The following NCKAP5 variants were observed in gnomAD, a reference collection of about 807,000 sequenced individuals.
The protein encoded by NCKAP5 is NCK associated protein 5.
NCKAP5 carries 92 observed loss-of-function variants against 167.0 expected under a neutral mutation model. That is an observed-to-expected ratio of 0.55 (90% confidence interval 0.47 to 0.66). The LOEUF is 0.66. NCKAP5 is among the 30% of genes least tolerant of loss of function. The probability of loss-of-function intolerance (pLI) is 0.00; values close to 1 mark genes in which losing one functional copy is unlikely to be tolerated. For synonymous variants in NCKAP5, 891 were observed against 877.4 expected, an observed-to-expected ratio of 1.02 and a Z score of -0.27; for missense variants, 2,378 against 2,315.0, an observed-to-expected ratio of 1.03 and a Z score of -0.56.
chr2:132,871,806 T>G (rs2320157), intron 9 of NCKAP5, among the ~76,000 whole-genome samples: 35,964 of 152,112 alleles, frequency 0.24, 4,547 homozygotes, highest in East Asian at 0.39. Context: ...CTTTGAAAAA[T>G]ATCAGGCAGA....
chr2:133,435,710 C>T (rs1351167934), intron 3 of NCKAP5, among the ~76,000 whole-genome samples: 6 of 152,170 alleles, frequency 3.9e-5, no homozygotes, highest in South Asian at 4.1e-4. Flanking sequence ...ACTGAATAAT[C>T]GGTTTAATTT....
At chr2:132,900,568 T>G (rs533926661) in intron 8 of NCKAP5, among the ~76,000 whole-genome samples, 1 of 152,292 alleles carries the variant, frequency 6.6e-6, no homozygotes, top group Admixed American at 6.5e-5. Flanking sequence ...TTCAACTTCA[T>G]GAATAAATTT....
At chr2:133,495,749 C>G (rs1166869891) in intron 3 of NCKAP5, among the ~76,000 whole-genome samples, 1 of 152,136 alleles carries the variant, frequency 6.6e-6, no homozygotes, top group Non-Finnish European at 1.5e-5. Flanking sequence ...GCTAACTCAT[C>G]TGGGTAGTGT....
At chr2:132,788,242 G>C (rs1196260258) in intron 13 of NCKAP5, among the ~76,000 whole-genome samples, 1 of 152,118 alleles carries the variant, frequency 6.6e-6, no homozygotes, top group Non-Finnish European at 1.5e-5. Context: ...GAAGCAGTGT[G>C]GTTGACTAAA....
chr2:133,047,255 A>G (rs2079434522), intron 6 of NCKAP5, among the ~76,000 whole-genome samples: 1 of 152,192 alleles, frequency 6.6e-6, no homozygotes, highest in Non-Finnish European at 1.5e-5. Flanking sequence ...GCTGTGTTAG[A>G]CACTTTTCAG....
intron 7 of NCKAP5, among the ~76,000 whole-genome samples, chr2:132,980,043 AC>A (rs2077087929): frequency 7.1e-6 from 1 of 141,784 alleles, no homozygotes; most frequent in African/African-American, 2.7e-5. Context: ...AGACTGTAGT[AC>A]AGTGGGGCCA....
chr2:133,263,574 C>T (rs1438726667), intron 4 of NCKAP5, among the ~76,000 whole-genome samples: 1 of 152,060 alleles, frequency 6.6e-6, no homozygotes, highest in African/African-American at 2.4e-5. Flanking sequence ...TGACTATCAG[C>T]TAGCATTATA....
At chr2:132,687,283 A>T (rs1686072134) in intron 19 of NCKAP5, among the ~76,000 whole-genome samples, 1 of 152,142 alleles carries the variant, frequency 6.6e-6, no homozygotes, top group Admixed American at 6.6e-5. Flanking sequence ...GTGCAATTGT[A>T]TTGCACAGAG....
chr2:132,892,997 G>GAAAAAAAAAAAAAAAAAAACA (rs76025687), intron 8 of NCKAP5, among the ~76,000 whole-genome samples: 1 of 107,648 alleles, frequency 9.3e-6, no homozygotes, highest in African/African-American at 3.1e-5. Flanking sequence ...TAAAAAAGCT[G>GAAAAAAAAAAAAAAAAAAACA]AAAAAAAAAA....
At chr2:132,947,206 TTAA>T (rs1697817594) in intron 8 of NCKAP5, among the ~76,000 whole-genome samples, 1 of 152,194 alleles carries the variant, frequency 6.6e-6, no homozygotes, top group African/African-American at 2.4e-5. Flanking sequence ...TTTCAGGTTG[TTAA>T]TATGAAAATT....
intron 4 of NCKAP5, among the ~76,000 whole-genome samples, chr2:133,245,715 A>G (rs1203316022): frequency 6.6e-6 from 1 of 152,156 alleles, no homozygotes; most frequent in African/African-American, 2.4e-5. Flanking sequence ...GAGGAAAAAC[A>G]GGAGAATGTT....
intron 3 of NCKAP5, among the ~76,000 whole-genome samples, chr2:133,508,635 G>T (rs148491497): frequency 6.6e-6 from 1 of 152,350 alleles, no homozygotes; most frequent in Non-Finnish European, 1.5e-5. Flanking sequence ...CTTCTAAGGG[G>T]ATCGATGAAA....
the NCKAP5 span, among the ~76,000 whole-genome samples, chr2:133,673,260 T>G: frequency 6.6e-6 from 1 of 152,196 alleles, no homozygotes; most frequent in Non-Finnish European, 1.5e-5. Flanking sequence ...AAGGCTGTGC[T>G]TTTGTCCAAG....
At chr2:133,483,604 T>C (rs185437226) in intron 3 of NCKAP5, among the ~76,000 whole-genome samples, 2 of 143,674 alleles carry the variant, frequency 1.4e-5, no homozygotes, top group Middle Eastern at 3.4e-3. Context: ...TTTGAGAACT[T>C]TGCTAATACT....
At chr2:132,777,031 T>A (rs1165234142) in intron 15 of NCKAP5, among the ~76,000 whole-genome samples, 1 of 152,236 alleles carries the variant, frequency 6.6e-6, no homozygotes, top group Non-Finnish European at 1.5e-5. Context: ...ACTGTTGCCA[T>A]CCCAGGAACA....
intron 16 of NCKAP5, among the ~76,000 whole-genome samples, chr2:132,768,829 C>T (rs1329050555): frequency 4.6e-5 from 7 of 150,698 alleles, no homozygotes; most frequent in Admixed American, 6.6e-5. Flanking sequence ...TTAGTAGAGA[C>T]GGGGTTTCAC....
At position 132,994,359 on chromosome 2, in the gene NCKAP5, T is replaced by C. The variant is rs529932199; in HGVS notation, c.342-120A>G. 4 of 673,224 alleles carry C rather than the reference T, an allele frequency of 5.9e-6. No homozygotes were observed. In the South Asian group the frequency reaches 6.0e-5, roughly 10 times the overall value. The allele number at this position is 673,224 out of a possible 1,614,324, so 41.7% of individuals were successfully genotyped here. On this transcript the variant is annotated intron_variant, in intron 6 of 19. Transcript: ENST00000409261. ...CCAAGCTTCAACCTGGAAATCTCTT[T>C]TCTCTCTACTTCATCTTCTATCAGT...
rs184597887 is a variant in NCKAP5 at position 133,491,934 on chromosome 2, T to C, written c.69+25524A>G. On this transcript the variant is annotated intron_variant, in intron 3 of 19. Coordinates refer to ENST00000409261, the MANE Select transcript of NCKAP5 (RefSeq NM_207363.3). ...TCTTTGCAATAAATCTGTGTATAAA[T>C]GTCCTTCACGCATTTTTACTACTCA... is the stretch of plus-strand genomic sequence containing the variant. Among the ~76,000 whole-genome samples, 506 of 152,326 alleles carry C rather than the reference T, an allele frequency of 3.3e-3. 2 individuals are homozygous for C. Among genetic ancestry groups the C allele is most frequent in the Middle Eastern group, 0.02 (6 of 294 alleles).
chr2:133,152,633 A>T (rs1049867964), intron 5 of NCKAP5, among the ~76,000 whole-genome samples: 1 of 152,218 alleles, frequency 6.6e-6, no homozygotes, highest in Non-Finnish European at 1.5e-5. Flanking sequence ...TCAAGCCATG[A>T]CAAGACATGA....
Sources: allele counts gnomAD v4.1 joint callset (sites outside exome capture counted in the v4.1 genomes callset), GRCh38; gene constraint gnomAD v4.1.1; transcripts MANE v1.5; gene names NCBI Gene and HGNC (gene_info 2026-07-23, HGNC 2026-07-21).